DOCK2: variants seen among roughly 807,000 people sequenced by gnomAD.
DOCK2 encodes the protein dedicator of cytokinesis 2.
A neutral mutation model predicts 248.9 loss-of-function variants in DOCK2; 87 were observed. The ratio of observed to expected loss-of-function variants is 0.35; its 90% CI spans 0.29 to 0.42. DOCK2 has a LOEUF of 0.42. Ranked by LOEUF, DOCK2 falls within the 10% of genes least tolerant of loss-of-function variation. The pLI is 1.00. For missense variants in DOCK2, 1,747 were observed against 2,300.2 expected (o/e 0.76, Z 4.92); for synonymous variants, 805 against 821.6 (o/e 0.98, Z 0.35).
At chr5:169,657,647 C>T (rs1354673058) in intron 2 of DOCK2, among the ~76,000 whole-genome samples, 2 of 152,170 alleles carry the variant, frequency 1.3e-5, no homozygotes, top group Admixed American at 1.3e-4. Context: ...TGACATCTTT[C>T]CTGAGATTTG....
At chr5:169,796,344 G>GGGT (rs1766654702) in intron 25 of DOCK2, among the ~76,000 whole-genome samples, 1 of 152,182 alleles carries the variant, frequency 6.6e-6, no homozygotes, top group Non-Finnish European at 1.5e-5. Flanking sequence ...GTGATTCTTT[G>GGGT]GGTTCTCCTT....
At chr5:169,690,211 G>A (rs1179855327) in intron 9 of DOCK2, among the ~76,000 whole-genome samples, 1 of 152,036 alleles carries the variant, frequency 6.6e-6, no homozygotes, top group Non-Finnish European at 1.5e-5. Flanking sequence ...CCCAGCAAGT[G>A]TGATCTTAAG....
intron 1 of DOCK2, among the ~76,000 whole-genome samples, chr5:169,648,411 C>A (rs1757599392): frequency 6.6e-6 from 1 of 152,154 alleles, no homozygotes; most frequent in African/African-American, 2.4e-5. Flanking sequence ...TCCTAACTTT[C>A]GTCTTGTCGG....
At chr5:169,761,664 C>A in intron 25 of DOCK2, 39 bp downstream of exon 25, 1 of 1,542,930 alleles carries the variant, frequency 6.5e-7, no homozygotes, top group Non-Finnish European at 8.9e-7. Context: ...GGGTAAGGGG[C>A]CAATAAACCC....
intron 26 of DOCK2, among the ~76,000 whole-genome samples, chr5:169,808,680 G>A (rs1290703931): frequency 1.3e-5 from 2 of 152,122 alleles, no homozygotes; most frequent in Non-Finnish European, 2.9e-5. Context: ...TGGCTGCCGA[G>A]TAACTGATAA....
At chr5:169,822,189 G>A (rs1768498762) in intron 26 of DOCK2, among the ~76,000 whole-genome samples, 1 of 152,162 alleles carries the variant, frequency 6.6e-6, no homozygotes, top group Non-Finnish European at 1.5e-5. Flanking sequence ...ACACCCCACT[G>A]TCAATATTCG....
chr5:170,036,617 G>A (rs535500080), intron 36 of DOCK2, 62 bp downstream of exon 36: 5 of 1,521,378 alleles, frequency 3.3e-6, no homozygotes, highest in Admixed American at 1.8e-5. Context: ...AGTATCCATC[G>A]ATGGCTCCCT....
At chr5:170,018,918 C>T (rs747385340) in intron 32 of DOCK2, 42 bp from the exon 33 acceptor site, 72 of 1,602,088 alleles carry the variant, frequency 4.5e-5, no homozygotes, top group East Asian at 2.9e-4. Flanking sequence ...ACCTGTGCGT[C>T]GCCGAACTGT....
intron 2 of DOCK2, among the ~76,000 whole-genome samples, chr5:169,666,264 C>T (rs1193322456): frequency 1.3e-5 from 2 of 152,124 alleles, no homozygotes; most frequent in Non-Finnish European, 2.9e-5. Context: ...ATTCTCATGA[C>T]CTAATTACCT....
intron 1 of DOCK2, among the ~76,000 whole-genome samples, chr5:169,645,652 T>C (rs1238930959): frequency 6.6e-6 from 1 of 152,232 alleles, no homozygotes; most frequent in Non-Finnish European, 1.5e-5. Flanking sequence ...TTTTGGTTTT[T>C]GCTGCAATTG....
At chr5:169,806,093 A>G (rs755739749) in intron 26 of DOCK2, among the ~76,000 whole-genome samples, 3 of 152,144 alleles carry the variant, frequency 2.0e-5, no homozygotes, top group Non-Finnish European at 2.9e-5. Flanking sequence ...GGAGGCATTC[A>G]GTAGCCATGA....
At chr5:169,730,720 G>C (rs564945046) in intron 22 of DOCK2, among the ~76,000 whole-genome samples, 97 of 152,260 alleles carry the variant, frequency 6.4e-4, no homozygotes, top group African/African-American at 2.3e-3. Flanking sequence ...AATCCCTAGA[G>C]TTCTAGCAAT....
chr5:169,937,273 T>C (rs1445867208), intron 27 of DOCK2, among the ~76,000 whole-genome samples: 2 of 152,214 alleles, frequency 1.3e-5, no homozygotes, highest in Non-Finnish European at 2.9e-5. Flanking sequence ...TCTGGCCCTT[T>C]AAGAAAAAAA....
At chr5:169,980,288 G>T (rs1777893876) in intron 27 of DOCK2, 1 of 152,168 alleles carries the variant, frequency 6.6e-6, no homozygotes, top group Admixed American at 6.5e-5. Flanking sequence ...TTGAAGCAGT[G>T]GAATTACCTG....
At chr5:169,909,404 G>C (rs1774466813) in intron 27 of DOCK2, among the ~76,000 whole-genome samples, 1 of 152,118 alleles carries the variant, frequency 6.6e-6, no homozygotes, top group South Asian at 2.1e-4. Flanking sequence ...TCAGAAAGAT[G>C]CTATCCAATT....
At chr5:169,725,940 A>G (rs192067604) in intron 22 of DOCK2, among the ~76,000 whole-genome samples, 5 of 152,108 alleles carry the variant, frequency 3.3e-5, no homozygotes, top group East Asian at 1.9e-4. Flanking sequence ...AGTCTTTGCT[A>G]TTGTGAATAG....
At chr5:169,877,521 T>G (rs953997093) in intron 27 of DOCK2, among the ~76,000 whole-genome samples, 1 of 152,200 alleles carries the variant, frequency 6.6e-6, no homozygotes, top group African/African-American at 2.4e-5. Context: ...TGCCTCTTGG[T>G]CAATGGTGTT....
At chr5:170,042,280 T>C in intron 38 of DOCK2, 148 bp downstream of exon 38, 1 of 1,048,760 alleles carries the variant, frequency 9.5e-7, no homozygotes, top group South Asian at 1.7e-5. Flanking sequence ...CCTCTCCATC[T>C]CCATTCCTTC....
intron 8 of DOCK2, among the ~76,000 whole-genome samples, chr5:169,688,078 C>T (rs993975036): frequency 6.6e-6 from 1 of 152,168 alleles, no homozygotes; most frequent in East Asian, 1.9e-4. Flanking sequence ...GCATGTGCCA[C>T]CATGCCTGGC....
Sources: gnomAD v4.1 joint callset for allele counts (sites outside exome capture counted in the v4.1 genomes callset) on GRCh38, gnomAD v4.1.1 for gene constraint, MANE v1.5 for transcripts, NCBI Gene and HGNC (gene_info 2026-07-23, HGNC 2026-07-21) for gene names.